KIAA0825: variants seen among roughly 807,000 people sequenced by gnomAD.
The protein encoded by KIAA0825 is KIAA0825, also known as uncharacterized protein KIAA0825.
A neutral mutation model predicts 147.6 loss-of-function variants in KIAA0825; 119 were observed. The ratio of observed to expected loss-of-function variants is 0.81; its 90% CI spans 0.69 to 0.94. The LOEUF is 0.94. Among genes scored for constraint, KIAA0825 ranks in the 40% least tolerant of loss-of-function variants. KIAA0825 has a pLI of 0.00. For synonymous variants in KIAA0825, 470 were observed against 518.1 expected, an observed-to-expected ratio of 0.91 and a Z score of 1.26; for missense variants, 1,381 against 1,472.7, an observed-to-expected ratio of 0.94 and a Z score of 1.02.
chr5:94,425,116 T>G (rs1049483233), intron 14 of KIAA0825, among the ~76,000 whole-genome samples: 1 of 152,118 alleles, frequency 6.6e-6, no homozygotes, highest in African/African-American at 2.4e-5. Flanking sequence ...GAAGGGAATG[T>G]TTCTTAACTC....
intron 20 of KIAA0825, among the ~76,000 whole-genome samples, chr5:94,381,528 ATAGGTTATATGCAAAT>A (rs1374650288): frequency 6.6e-6 from 1 of 152,230 alleles, no homozygotes; most frequent in African/African-American, 2.4e-5. Context: ...GTGGATATGC[ATAGGTTATATGCAAAT>A]ATGACACCAT....
intron 5 of KIAA0825, among the ~76,000 whole-genome samples, chr5:94,509,015 T>C (rs1201089053): frequency 6.6e-6 from 1 of 152,246 alleles, no homozygotes; most frequent in African/African-American, 2.4e-5. Context: ...TATACACAGC[T>C]GCCTGTGACA....
At chr5:94,155,980 T>C (rs1167541221) in intron 20 of KIAA0825, among the ~76,000 whole-genome samples, 1 of 152,164 alleles carries the variant, frequency 6.6e-6, no homozygotes, top group Non-Finnish European at 1.5e-5. Flanking sequence ...GTGGGTGAAA[T>C]TGGGTATCGC....
At chr5:94,600,293 C>T (rs1318231050) in intron 1 of KIAA0825, among the ~76,000 whole-genome samples, 1 of 152,094 alleles carries the variant, frequency 6.6e-6, no homozygotes, top group Non-Finnish European at 1.5e-5. Context: ...AACATTTCTT[C>T]CCTGTCCCAT....
At chr5:94,401,751 A>T (rs940849380) in intron 16 of KIAA0825, among the ~76,000 whole-genome samples, 1 of 152,146 alleles carries the variant, frequency 6.6e-6, no homozygotes, top group African/African-American at 2.4e-5. Flanking sequence ...AAACAGTTAT[A>T]CTAGTCTCCT....
intron 20 of KIAA0825, among the ~76,000 whole-genome samples, chr5:94,221,465 A>G (rs1482146682): frequency 6.6e-6 from 1 of 152,198 alleles, no homozygotes; most frequent in East Asian, 1.9e-4. Context: ...GTCCAAGGTC[A>G]AGAGGTCCTC....
intron 5 of KIAA0825, among the ~76,000 whole-genome samples, chr5:94,517,688 AAATTAAATTTATTTTAAATT>A (rs1169756565): frequency 4.0e-5 from 6 of 150,912 alleles, no homozygotes; most frequent in African/African-American, 1.5e-4. Flanking sequence ...AAATTTAAAT[AAATTAAATTTATTTTAAATT>A]ATTTAAATTT....
chr5:94,405,789 C>A (rs775935136), intron 15 of KIAA0825, among the ~76,000 whole-genome samples: 1 of 152,118 alleles, frequency 6.6e-6, no homozygotes, highest in Non-Finnish European at 1.5e-5. Context: ...CAGGACTAGA[C>A]GGGATGGCTT....
At chr5:94,612,820 T>C (rs1789246404) in intron 1 of KIAA0825, among the ~76,000 whole-genome samples, 1 of 152,216 alleles carries the variant, frequency 6.6e-6, no homozygotes, top group African/African-American at 2.4e-5. Context: ...TTTGACTTCA[T>C]AGTTAGAGCC....
chr5:94,206,526 A>T (rs1429849910), intron 20 of KIAA0825, among the ~76,000 whole-genome samples: 1 of 152,146 alleles, frequency 6.6e-6, no homozygotes. Context: ...CTTGTACAGG[A>T]CAGATTGATT....
At chr5:94,375,350 C>T (rs534913460) in intron 20 of KIAA0825, among the ~76,000 whole-genome samples, 1 of 152,064 alleles carries the variant, frequency 6.6e-6, no homozygotes, top group African/African-American at 2.4e-5. Flanking sequence ...TTTTTCTGAG[C>T]CCCTAAACTT....
At chr5:94,303,063 A>C (rs1020906576) in intron 20 of KIAA0825, among the ~76,000 whole-genome samples, 2 of 152,002 alleles carry the variant, frequency 1.3e-5, no homozygotes, top group Non-Finnish European at 2.9e-5. Context: ...ACACAATTGC[A>C]TATACACATA....
In KIAA0825 at chr5:94,193,391, T is replaced by C. The variant is rs534819116; in HGVS notation, c.3711-39267A>G. Among the ~76,000 whole-genome samples the C allele has an allele frequency of 5.9e-5, 9 of 152,298 alleles. No homozygotes were observed. In the East Asian group the frequency reaches 1.7e-3, roughly 29 times the overall value. On this transcript the variant is annotated intron_variant, in intron 20 of 20. Transcript: ENST00000682413. Reference sequence around the variant, plus strand: ...GTATTGACCCTTTAAATCCTCACACTTATGAATTAGTATGATTTTCCAACT... The same window carrying C: ...GTATTGACCCTTTAAATCCTCACACCTATGAATTAGTATGATTTTCCAACT...
chr5:94,371,973 A>G (rs374923231), intron 20 of KIAA0825, among the ~76,000 whole-genome samples: 1 of 152,218 alleles, frequency 6.6e-6, no homozygotes, highest in African/African-American at 2.4e-5. Context: ...CCTGTTCCAA[A>G]TGAGAGAAAT....
Position 94,520,914 on chromosome 5 carries a change from C to A in KIAA0825, c.304G>T (p.Asp102Tyr). 2 of 1,572,792 alleles carry A rather than the reference C, an allele frequency of 1.3e-6. No individual in the cohort carries two copies. The highest frequency in any genetic ancestry group is 1.7e-6 in the Non-Finnish European group (2 of 1,154,490). The change falls in exon 5 of 21, where the codon GAT becomes TAT. Residue 102 changes from aspartate (D) to tyrosine (Y), a missense_variant. Asp to Tyr is a radical substitution (Grantham distance 160). Coordinates refer to ENST00000682413, the MANE Select transcript of KIAA0825 (RefSeq NM_001145678.3). Reference sequence around the variant, plus strand: ...TGATTTTGTTCATTCTTCAACAAATCTTGCTAATGAAATTATAACATTAGA... The same window carrying A: ...TGATTTTGTTCATTCTTCAACAAATATTGCTAATGAAATTATAACATTAGA... ...DLIKFFKTLQDLLKNEQNQEE... is the reference protein window; with the variant it reads ...DLIKFFKTLQYLLKNEQNQEE...
At chr5:94,297,572 A>G (rs1778193170) in intron 20 of KIAA0825, among the ~76,000 whole-genome samples, 1 of 152,122 alleles carries the variant, frequency 6.6e-6, no homozygotes, top group Non-Finnish European at 1.5e-5. Context: ...CCCACAAGAC[A>G]TCACTATCAT....
At chr5:94,454,574 G>C (rs1036844728) in intron 12 of KIAA0825, among the ~76,000 whole-genome samples, 1 of 152,138 alleles carries the variant, frequency 6.6e-6, no homozygotes, top group African/African-American at 2.4e-5. Flanking sequence ...TCCATCCCAT[G>C]TATTCCACTA....
At chr5:94,428,027 T>C (rs1463987370) in intron 14 of KIAA0825, among the ~76,000 whole-genome samples, 2 of 152,134 alleles carry the variant, frequency 1.3e-5, no homozygotes, top group Non-Finnish European at 2.9e-5. Flanking sequence ...AGTGATCCCT[T>C]CTCTCATTTG....
chr5:94,337,498 A>G (rs1179313057), intron 20 of KIAA0825, among the ~76,000 whole-genome samples: 1 of 152,196 alleles, frequency 6.6e-6, no homozygotes, highest in East Asian at 1.9e-4. Flanking sequence ...GACACTTTTT[A>G]AAGAGCTTAT....
Sources: allele counts gnomAD v4.1 joint callset (sites outside exome capture counted in the v4.1 genomes callset), GRCh38; gene constraint gnomAD v4.1.1; transcripts MANE v1.5; gene names NCBI Gene and HGNC (gene_info 2026-07-23, HGNC 2026-07-21).